Variants in RMND1 observed in about 807,000 individuals in gnomAD.
RMND1 encodes required for meiotic nuclear division protein 1 homolog.
In RMND1, 41 loss-of-function variants were observed where a neutral mutation model predicts 54.0. That is an observed-to-expected ratio of 0.76 (90% CI 0.59 to 0.98). The LOEUF is 0.98. Ranked by LOEUF, RMND1 falls within the 50% of genes least tolerant of loss-of-function variation. The probability of loss-of-function intolerance (pLI) is 0.00; values close to 1 mark genes in which losing one functional copy is unlikely to be tolerated. For synonymous variants in RMND1, 183 were observed against 181.7 expected, an observed-to-expected ratio of 1.01 and a Z score of -0.06; for missense variants, 457 against 532.0, an observed-to-expected ratio of 0.86 and a Z score of 1.39.
intron 6 of RMND1, among the ~76,000 whole-genome samples, chr6:151,424,463 C>CA (rs35635686): frequency 0.2 from 20,869 of 103,208 alleles, 1,690 homozygotes; most frequent in East Asian, 0.42. Context: ...ACTCTGTCTC[C>CA]AAAAAAAAAA....
At chr6:151,406,902 G>A (rs1779644227) in intron 10 of RMND1, among the ~76,000 whole-genome samples, 1 of 152,064 alleles carries the variant, frequency 6.6e-6, no homozygotes, top group Admixed American at 6.6e-5. Flanking sequence ...GCTTATGCCT[G>A]TAATCCTAGC....
chr6:151,445,064 A>G lies in RMND1; in HGVS notation c.504+244T>C, dbSNP rs3800280. ...TTCAGTTTCCTTAGACCAATAACCA[A>G]ATCTTTTATAAACTCTATTTTCATG... On this transcript the variant is annotated intron_variant, in intron 2 of 11. Transcript: ENST00000444024. 0.07 allele frequency: 28,908 copies of G among 413,264 alleles called. 1,394 individuals carry two copies. The highest frequency in any genetic ancestry group is 0.15 in the African/African-American group (7,465 of 49,774). The allele number at this position is 413,264 out of a possible 1,614,324, so 25.6% of individuals were successfully genotyped here.
intron 1 of RMND1, among the ~76,000 whole-genome samples, chr6:151,449,645 T>C (rs1038544885): frequency 1.3e-5 from 2 of 151,494 alleles, no homozygotes; most frequent in Admixed American, 6.6e-5. Flanking sequence ...TCCCTCTCCC[T>C]CCTCTCCCTC....
In RMND1 at chr6:151,429,363, T is replaced by C. The variant is rs141800187; in HGVS notation, c.729+775A>G. On this transcript the variant is annotated intron_variant, in intron 5 of 11. Transcript: ENST00000444024. ...CTCGAACTCCTGGCCTCAAGATACCTGCCGGCCTTGGTCTCCCAAAGTGCT... is the reference window on the plus strand; with the variant it reads ...CTCGAACTCCTGGCCTCAAGATACCCGCCGGCCTTGGTCTCCCAAAGTGCT... 9.1e-3 allele frequency among the ~76,000 whole-genome samples: 1,380 copies of C among 152,256 alleles called. 61 individuals are homozygous for C. Among genetic ancestry groups the C allele is most frequent in the Admixed American group, 0.07 (1,067 of 15,282 alleles).
intron 4 of RMND1, among the ~76,000 whole-genome samples, chr6:151,432,500 T>C (rs1209803436): frequency 6.6e-6 from 1 of 150,418 alleles, no homozygotes; most frequent in Non-Finnish European, 1.5e-5. Context: ...TTCTGTTCTG[T>C]CACGTATTAG....
intron 6 of RMND1, among the ~76,000 whole-genome samples, chr6:151,424,704 G>T (rs1312906552): frequency 6.6e-6 from 1 of 152,152 alleles, no homozygotes; most frequent in Non-Finnish European, 1.5e-5. Flanking sequence ...TGGGGAGGGA[G>T]GCAAGGAAGT....
chr6:151,444,568 C>T (rs143136852), intron 2 of RMND1: 22 of 152,188 alleles, frequency 1.4e-4, no homozygotes, highest in African/African-American at 4.6e-4. Flanking sequence ...GACATTCTAA[C>T]CTGTTTTCTG....
In RMND1 at chr6:151,417,431, A is replaced by G. The variant is rs73780685; in HGVS notation, c.1080-32T>C. ...AAAGGAAAATTATAACTTTTTATTT[A>G]TCTTGAATTAAAAATCATTGTTTCT... On this transcript the variant is annotated intron_variant, in intron 9 of 11. Transcript: ENST00000444024. 0.11 allele frequency: 165,139 copies of G among 1,478,328 alleles called. 9,804 individuals carry two copies. Among genetic ancestry groups the G allele is most frequent in the Middle Eastern group, 0.19 (1,046 of 5,652 alleles). 91.6% of individuals were successfully genotyped at this position (1,478,328 alleles called of 1,614,324 possible).
chr6:151,439,478 G>C (rs1233897779), intron 2 of RMND1, among the ~76,000 whole-genome samples: 1 of 152,102 alleles, frequency 6.6e-6, no homozygotes, highest in Non-Finnish European at 1.5e-5. Context: ...TTATACCAGA[G>C]AGCCAGGACA....
intron 10 of RMND1, chr6:151,417,037 C>T: frequency 2.9e-6 from 1 of 342,466 alleles, no homozygotes; most frequent in Non-Finnish European, 5.3e-6. Flanking sequence ...CAAGAACTTA[C>T]TGATGGACCA....
intron 10 of RMND1, among the ~76,000 whole-genome samples, chr6:151,409,317 T>C (rs796183985): frequency 1.3e-5 from 2 of 152,274 alleles, no homozygotes; most frequent in African/African-American, 4.8e-5. Flanking sequence ...TCCATGATAC[T>C]TAGAGGGAAC....
At chr6:151,422,956 C>G (rs3800271) in intron 7 of RMND1, among the ~76,000 whole-genome samples, 5 of 152,288 alleles carry the variant, frequency 3.3e-5, no homozygotes, top group Admixed American at 2.6e-4. Flanking sequence ...CTCCCCTTCA[C>G]TCCTCAGGAC....
rs201840505 is a variant in RMND1 at position 151,405,246 on chromosome 6, C to A, written c.1339G>T (p.Val447Leu). The stretch of plus-strand genomic sequence containing the variant: ...TGGTTATCACTTGATCAGAAAAATA[C>A]TCGTCCCAGCTCAAACATTACCTTA... Reference protein sequence around the residue: ...TIEVMFELGRVFF With the variant: ...TIEVMFELGRLFF The change falls in exon 12 of 12, where the codon GTA becomes TTA. Residue 447 changes from valine (V) to leucine (L), a missense_variant. By Grantham distance (32) the Val-to-Leu change is conservative. Coordinates refer to ENST00000444024, the MANE Select transcript of RMND1 (RefSeq NM_017909.4). The A allele has an allele frequency of 7.4e-6, 12 of 1,612,886 alleles. No homozygotes were observed. The highest frequency in any genetic ancestry group is 1.0e-5 in the Non-Finnish European group (12 of 1,178,998).
intron 4 of RMND1, among the ~76,000 whole-genome samples, chr6:151,431,676 C>CT (rs901751545): frequency 6.6e-6 from 1 of 152,060 alleles, no homozygotes; most frequent in African/African-American, 2.4e-5. Flanking sequence ...CTGAGATGCG[C>CT]TGTAAGTGTA....
intron 3 of RMND1, among the ~76,000 whole-genome samples, chr6:151,435,192 T>C (rs13211417): frequency 0.14 from 21,472 of 149,892 alleles, 1,862 homozygotes; most frequent in East Asian, 0.37. Flanking sequence ...GTCGCCCAGG[T>C]TGGAGTGCAG....
Position 151,441,433 on chromosome 6 carries a change from C to A in RMND1, c.504+3875G>T, listed in dbSNP as rs185331306. Among the ~76,000 whole-genome samples the A allele has an allele frequency of 2.0e-5, 3 of 152,186 alleles. No individual in the cohort carries two copies. In the East Asian group the frequency reaches 5.8e-4, roughly 29 times the overall value. On this transcript the variant is annotated intron_variant, in intron 2 of 11. Coordinates refer to ENST00000444024, the MANE Select transcript of RMND1 (RefSeq NM_017909.4). ...CTTCTAAAAATCCCTTGGAATTTCACGAGTGATGGGAACATCTTTTGTTTT... is the reference window on the plus strand; with the variant it reads ...CTTCTAAAAATCCCTTGGAATTTCAAGAGTGATGGGAACATCTTTTGTTTT...
intron 10 of RMND1, among the ~76,000 whole-genome samples, chr6:151,414,673 G>C (rs1016318107): frequency 6.6e-6 from 1 of 152,262 alleles, no homozygotes; most frequent in Non-Finnish European, 1.5e-5. Flanking sequence ...ATGTTGGGCA[G>C]CAGAACGAAT....
At chr6:151,445,850 C>T (rs1562801342) in intron 1 of RMND1, 25 bp from the exon 2 acceptor site, 1 of 1,506,706 alleles carries the variant, frequency 6.6e-7, no homozygotes, top group East Asian at 2.4e-5. Context: ...ATTCAAAGTT[C>T]AAGTTTTTAA....
At chr6:151,436,798 A>G (rs1159056051) in intron 2 of RMND1, 1 of 373,108 alleles carries the variant, frequency 2.7e-6, no homozygotes, top group African/African-American at 2.0e-5. Flanking sequence ...GGAATGGATT[A>G]TTCTGAAAGG....
Sources: allele counts gnomAD v4.1 joint callset (sites outside exome capture counted in the v4.1 genomes callset), GRCh38; gene constraint gnomAD v4.1.1; transcripts MANE v1.5; gene names NCBI Gene and HGNC (gene_info 2026-07-23, HGNC 2026-07-21).